The following ACOT1 variants were observed in gnomAD, a reference collection of about 807,000 sequenced individuals.
ACOT1 encodes acyl-CoA thioesterase 1, also known as acyl-coenzyme A thioesterase 1.
Under a neutral mutation model 15.7 loss-of-function variants are expected in ACOT1, and 8 were observed. The observed-to-expected ratio is 0.51, with a 90% CI of 0.30 to 0.92. The LOEUF (loss-of-function observed/expected upper bound fraction) is 0.92, where lower values mean the gene tolerates loss of function less well. Among genes scored for constraint, ACOT1 ranks in the 40% least tolerant of loss-of-function variants. The pLI, the probability that ACOT1 is intolerant of heterozygous loss-of-function variation, is 0.06. For synonymous variants in ACOT1, 67 were observed against 241.2 expected, an observed-to-expected ratio of 0.28 and a Z score of 6.69; for missense variants, 151 against 539.4, an observed-to-expected ratio of 0.28 and a Z score of 7.13.
chr14:73,504,863 G>A, the ACOT1 span, among the ~76,000 whole-genome samples: 48 of 152,194 alleles, frequency 3.2e-4, no homozygotes, highest in Admixed American at 7.2e-4. Context: ...GGGAAATAAT[G>A]GCAAAAACGA....
chr14:73,511,974 A>G, the ACOT1 span: 22 of 1,613,050 alleles, frequency 1.4e-5, no homozygotes, highest in Non-Finnish European at 1.8e-5. Context: ...TGAGTTGCTT[A>G]TGTTCTCAAG....
the ACOT1 span, among the ~76,000 whole-genome samples, chr14:73,512,745 T>C: frequency 6.6e-6 from 1 of 152,254 alleles, no homozygotes; most frequent in South Asian, 2.1e-4. Context: ...CTCATTTTAG[T>C]TGCTAAATAC....
chr14:73,534,705 C>CAAAT (rs1888806659), upstream of ACOT1, among the ~76,000 whole-genome samples: 1 of 113,422 alleles, frequency 8.8e-6, no homozygotes, highest in African/African-American at 2.9e-5. Flanking sequence ...AACAAACAAG[C>CAAAT]AAATAAACAA....
the ACOT1 span, among the ~76,000 whole-genome samples, chr14:73,517,665 CAAAA>C: frequency 1.0e-4 from 6 of 59,364 alleles, no homozygotes; most frequent in Non-Finnish European, 1.5e-4. Flanking sequence ...GAGACCCTGT[CAAAA>C]AAAAAAAAAA....
chr14:73,494,143 A>C, the ACOT1 span, among the ~76,000 whole-genome samples: 1 of 152,156 alleles, frequency 6.6e-6, no homozygotes, highest in South Asian at 2.1e-4. Flanking sequence ...TCTCATTTTT[A>C]TTCTGGCAGT....
the ACOT1 span, chr14:73,508,282 T>C: frequency 2.5e-6 from 4 of 1,613,818 alleles, no homozygotes; most frequent in Non-Finnish European, 3.4e-6. Flanking sequence ...AGCCCAGCTA[T>C]CCACACTGTT....
chr14:73,530,752 A>C, the ACOT1 span: 2 of 113,390 alleles, frequency 1.8e-5, 1 homozygote, highest in Non-Finnish European at 3.8e-5. Context: ...ATCCTCCCAC[A>C]TAGCTGGGAG....
chr14:73,521,067 AG>A, the ACOT1 span: 11 of 1,591,918 alleles, frequency 6.9e-6, no homozygotes, highest in East Asian at 2.0e-4. Flanking sequence ...AGGAGGGAAA[AG>A]GGGGAAAGAG....
chr14:73,525,675 G>A, the ACOT1 span, among the ~76,000 whole-genome samples: 2 of 152,124 alleles, frequency 1.3e-5, no homozygotes, highest in Admixed American at 6.6e-5. Flanking sequence ...CCTTTAGGCC[G>A]GATGCGGTGG....
At chr14:73,500,757 C>T in the ACOT1 span, 3 of 1,605,428 alleles carry the variant, frequency 1.9e-6, no homozygotes, top group Admixed American at 5.0e-5. Flanking sequence ...GCTTTCCTTT[C>T]ACCTCCTTAA....
chr14:73,508,707 C>T, the ACOT1 span, among the ~76,000 whole-genome samples: 1 of 142,074 alleles, frequency 7.0e-6, no homozygotes, highest in South Asian at 2.3e-4. Flanking sequence ...GCTGAGATCC[C>T]ACCATTGCAC....
chr14:73,497,062 G>T, the ACOT1 span, among the ~76,000 whole-genome samples: 1 of 152,104 alleles, frequency 6.6e-6, no homozygotes, highest in South Asian at 2.1e-4. Flanking sequence ...TGCCCAGCTA[G>T]TTTTTGTATT....
At chr14:73,524,310 A>ATATATATATATATATATAT in the ACOT1 span, among the ~76,000 whole-genome samples, 1 of 54,778 alleles carries the variant, frequency 1.8e-5, no homozygotes, top group Non-Finnish European at 3.1e-5. Context: ...AAAAAAAAAA[A>ATATATATATATATATATAT]ATATATATAT....
chr14:73,498,246 G>C, the ACOT1 span: 1 of 1,614,102 alleles, frequency 6.2e-7, no homozygotes, highest in South Asian at 1.1e-5. Flanking sequence ...AGGATGCTAC[G>C]GCAAGCTTCC....
the ACOT1 span, among the ~76,000 whole-genome samples, chr14:73,511,377 T>C: frequency 6.6e-6 from 1 of 151,732 alleles, no homozygotes; most frequent in South Asian, 2.1e-4. Context: ...GAGCTGGGCA[T>C]GGTGGCACAC....
chr14:73,510,786 C>T, the ACOT1 span, among the ~76,000 whole-genome samples: 11 of 152,070 alleles, frequency 7.2e-5, no homozygotes, highest in African/African-American at 2.7e-4. Flanking sequence ...GTCTTGGGGA[C>T]AGCACAGGAG....
the ACOT1 span, among the ~76,000 whole-genome samples, chr14:73,507,157 T>C: frequency 1.3e-5 from 2 of 152,180 alleles, no homozygotes; most frequent in Non-Finnish European, 2.9e-5. Context: ...CTCAAGCTTA[T>C]GACTTTCACA....
the ACOT1 span, among the ~76,000 whole-genome samples, chr14:73,501,350 C>T: frequency 6.6e-6 from 1 of 152,026 alleles, no homozygotes; most frequent in African/African-American, 2.4e-5. Flanking sequence ...TGGTCTTGAT[C>T]TCCTGACCTC....
At chr14:73,522,516 G>A in the ACOT1 span, 73 of 1,614,036 alleles carry the variant, frequency 4.5e-5, no homozygotes, top group Non-Finnish European at 5.6e-5. Flanking sequence ...CGGGCTGTGC[G>A]CTCGTTCAGC....
Sources: allele counts gnomAD v4.1 joint callset (sites outside exome capture counted in the v4.1 genomes callset), GRCh38; gene constraint gnomAD v4.1.1; transcripts MANE v1.5; gene names NCBI Gene and HGNC (gene_info 2026-07-23, HGNC 2026-07-21).